Variants in PCDHGB4 observed in about 807,000 individuals in gnomAD.
The protein encoded by PCDHGB4 is protocadherin gamma subfamily B, 4.
PCDHGB4 carries 38 observed loss-of-function variants against 60.5 expected under a neutral mutation model. The observed-to-expected ratio is 0.63, with a 90% confidence interval of 0.48 to 0.82. The LOEUF (loss-of-function observed/expected upper bound fraction) is 0.82. Ranked by LOEUF, PCDHGB4 falls within the 40% of genes least tolerant of loss-of-function variation. The probability of loss-of-function intolerance (pLI) is 0.00; values close to 1 mark genes in which losing one functional copy is unlikely to be tolerated. For synonymous variants in PCDHGB4, 456 were observed against 509.7 expected (o/e 0.89, Z 1.42); for missense variants, 1,109 against 1,209.6 (o/e 0.92, Z 1.23).
At position 141,431,754 on chromosome 5, in the gene PCDHGB4, A is replaced by C; in HGVS notation, c.2397+41473A>C. ...AATGCAGGATATTCTGCGCGAGCCA[A>C]AGTCCTGATCACTGTTCTGGACGTG... On this transcript the variant is annotated intron_variant, in intron 1 of 3. Transcript: ENST00000519479. The surrounding 1 kb of genome is among the most constrained non-coding windows in gnomAD (Gnocchi z 4.8). The C allele has an allele frequency of 6.2e-7, 1 of 1,614,208 alleles. No individual in the cohort carries two copies. Among genetic ancestry groups the C allele is most frequent in the Middle Eastern group, 1.6e-4 (1 of 6,062 alleles).
chr5:141,388,783 C>A lies in PCDHGB4; in HGVS notation c.899C>A (p.Thr300Asn). Residue 300 changes from threonine to asparagine, a missense_variant, in exon 1 of 4, where the codon ACT (threonine) becomes AAT (asparagine). Around this residue, in one of 2 missense-constraint regions of PCDHGB4, gnomAD observed 1,068 missense variants for 1,089.9 expected, o/e 0.98. Coordinates refer to ENST00000519479, the MANE Select transcript of PCDHGB4 (RefSeq NM_003736.4). Reference sequence around the variant, plus strand: ...CTGAACTCTAACACCGGGGAAATTACTGTTTTAAATACATTAGATTTTGAA... The same window carrying A: ...CTGAACTCTAACACCGGGGAAATTAATGTTTTAAATACATTAGATTTTGAA... ...FDLNSNTGEI[T>N]VLNTLDFEEV... The A allele has an allele frequency of 3.1e-6, 5 of 1,613,818 alleles. No homozygotes were observed. The highest frequency in any genetic ancestry group is 1.1e-5 in the South Asian group (1 of 91,070).
At chr5:141,400,665 G>C (rs1463001564) in intron 1 of PCDHGB4, 5 of 984,364 alleles carry the variant, frequency 5.1e-6, no homozygotes, top group Non-Finnish European at 7.6e-6. Flanking sequence ...CATTCTTTAA[G>C]AGGAGCAGTA....
chr5:141,450,470 A>AGTTT (rs199699353), intron 1 of PCDHGB4, among the ~76,000 whole-genome samples: 2,037 of 151,800 alleles, frequency 0.013, 39 homozygotes, highest in African/African-American at 0.044. Flanking sequence ...TTATATATAG[A>AGTTT]GTTTGTTTGT....
intron 1 of PCDHGB4, among the ~76,000 whole-genome samples, chr5:141,461,267 T>C (rs2099012147): frequency 6.6e-6 from 1 of 152,140 alleles, no homozygotes; most frequent in Admixed American, 6.6e-5. Flanking sequence ...AATGTGTAAG[T>C]GTTCTCTTTT....
chr5:141,469,354 A>G (rs1160934469), intron 1 of PCDHGB4, among the ~76,000 whole-genome samples: 1 of 152,128 alleles, frequency 6.6e-6, no homozygotes, highest in Non-Finnish European at 1.5e-5. Flanking sequence ...AGGTGGATGG[A>G]TCATGAGGTA....
At chr5:141,441,775 A>G (rs1005757857) in intron 1 of PCDHGB4, 27 of 388,638 alleles carry the variant, frequency 6.9e-5, no homozygotes, top group Admixed American at 5.4e-4. Context: ...GTGTTGGTGG[A>G]CGACCTGAAT....
In PCDHGB4 at chr5:141,487,938, G is replaced by A; in HGVS notation, c.2398-6869G>A. ...GAGGCTACAGTGCACAGGGTACAGT[G>A]CACCAGGCAGTCACTTGGACAAAGG... is the stretch of plus-strand genomic sequence containing the variant. On this transcript the variant is annotated intron_variant, in intron 1 of 3. Coordinates refer to ENST00000519479, the MANE Select transcript of PCDHGB4 (RefSeq NM_003736.4). This position sits in a 1 kb window ranked among gnomAD's most constrained non-coding sequence, Gnocchi z 5.0. 1.7e-6 allele frequency: 1 copy of A among 600,308 alleles called. No homozygotes were observed. The highest frequency in any genetic ancestry group is 2.9e-6 in the Non-Finnish European group (1 of 342,970). 37.2% of individuals were successfully genotyped at this position (600,308 alleles called of 1,614,324 possible).
In PCDHGB4 at chr5:141,432,700, G is replaced by C. The variant is rs1320099367; in HGVS notation, c.2397+42419G>C. 4 of 1,613,980 alleles carry C rather than the reference G, an allele frequency of 2.5e-6. No individual in the cohort carries two copies. In the Admixed American group the frequency reaches 6.7e-5, roughly 27 times the overall value. ...AGCAGAGCCTCGTAGTGGCCGTCCA[G>C]GACCACGGCCAGCCCCCTCTCTCCG... On this transcript the variant is annotated intron_variant, in intron 1 of 3. Coordinates refer to ENST00000519479, the MANE Select transcript of PCDHGB4 (RefSeq NM_003736.4). The surrounding 1 kb of genome is among the most constrained non-coding windows in gnomAD (Gnocchi z 6.0).
intron 3 of PCDHGB4, 40 bp downstream of exon 3, chr5:141,505,521 T>C: frequency 1.9e-6 from 3 of 1,612,684 alleles, no homozygotes; most frequent in Non-Finnish European, 2.5e-6. Context: ...GTGGGAGACC[T>C]GGGGTTCTGG....
intron 1 of PCDHGB4, chr5:141,393,457 C>T (rs780177231): frequency 1.9e-6 from 3 of 1,614,050 alleles, no homozygotes; most frequent in East Asian, 2.2e-5. Flanking sequence ...CTCACGGCCT[C>T]GGATGGCGGC....
At chr5:141,437,011 T>C (rs2097858173) in intron 1 of PCDHGB4, among the ~76,000 whole-genome samples, 1 of 152,236 alleles carries the variant, frequency 6.6e-6, no homozygotes, top group Non-Finnish European at 1.5e-5. Flanking sequence ...GGATCTTAGA[T>C]AATTTCACCA....
Position 141,398,399 on chromosome 5 carries a change from A to G in PCDHGB4, c.2397+8118A>G, listed in dbSNP as rs763282563. 8 of 1,466,584 alleles carry G rather than the reference A, an allele frequency of 5.5e-6. No individual in the cohort carries two copies. In the Admixed American group the frequency reaches 7.2e-5, roughly 13 times the overall value. 90.8% of individuals were successfully genotyped at this position (1,466,584 alleles called of 1,614,324 possible). ...GAGTTGCTTGTGAGCAGCAGGCTAG[A>G]CAGGGAGGAGATATGCGGGAAGAAG... On this transcript the variant is annotated intron_variant, in intron 1 of 3. Coordinates refer to ENST00000519479, the MANE Select transcript of PCDHGB4 (RefSeq NM_003736.4).
chr5:141,487,041 G>C lies in PCDHGB4; in HGVS notation c.2398-7766G>C, dbSNP rs149314216. On this transcript the variant is annotated intron_variant, in intron 1 of 3. Coordinates refer to ENST00000519479, the MANE Select transcript of PCDHGB4 (RefSeq NM_003736.4). The surrounding 1 kb of genome is among the most constrained non-coding windows in gnomAD (Gnocchi z 5.0). ...GATCCCAGCCTGTTTGCAGTCTCTC[G>C]ATATGCTGGGGAGGTGCGGACGGCT... 2.5e-6 allele frequency: 4 copies of C among 1,614,018 alleles called. No homozygotes were observed. Among genetic ancestry groups the C allele is most frequent in the South Asian group, 2.2e-5 (2 of 91,084 alleles).
chr5:141,508,183 A>G (rs1596134418), intron 3 of PCDHGB4: 1 of 152,336 alleles, frequency 6.6e-6, no homozygotes, highest in African/African-American at 2.4e-5. Context: ...GAGAGAAGGC[A>G]TCACCCCCAC....
Position 141,431,721 on chromosome 5 carries a change from C to T in PCDHGB4, c.2397+41440C>T. The T allele has an allele frequency of 1.2e-6, 2 of 1,614,246 alleles. No homozygotes were observed. Among genetic ancestry groups the T allele is most frequent in the Non-Finnish European group, 1.7e-6 (2 of 1,180,044 alleles). On this transcript the variant is annotated intron_variant, in intron 1 of 3. Transcript: ENST00000519479. The surrounding 1 kb of genome is among the most constrained non-coding windows in gnomAD (Gnocchi z 4.8). ...GGATTCTACCAGATGGAAGTGCAAGCAATGGATAATGCAGGATATTCTGCG... is the reference window on the plus strand; with the variant it reads ...GGATTCTACCAGATGGAAGTGCAAGTAATGGATAATGCAGGATATTCTGCG...
rs377444638 is a variant in PCDHGB4, at chr5:141,388,728, A to G, written c.844A>G (p.Ser282Gly). 6.8e-6 allele frequency: 11 copies of G among 1,613,902 alleles called. No homozygotes were observed. Among genetic ancestry groups the G allele is most frequent in the Admixed American group, 1.7e-5 (1 of 60,012 alleles). The change falls in exon 1 of 4, where the codon AGT (serine) becomes GGT (glycine). Residue 282 changes from serine to glycine, a missense_variant. Ser to Gly is a moderately conservative substitution (Grantham distance 56). Around this residue, in one of 2 missense-constraint regions of PCDHGB4, gnomAD observed 1,068 missense variants for 1,089.9 expected, o/e 0.98. Coordinates refer to ENST00000519479, the MANE Select transcript of PCDHGB4 (RefSeq NM_003736.4). ...CAATGCCGAGATTACTTTCTCTTTC[A>G]GTGAAGCTAGCCAGATCACCCAATT... is the stretch of plus-strand genomic sequence containing the variant. ...GVNAEITFSF[S>G]EASQITQFDL...
chr5:141,458,367 G>A (rs1297876142), intron 1 of PCDHGB4, among the ~76,000 whole-genome samples: 2 of 152,130 alleles, frequency 1.3e-5, no homozygotes, highest in African/African-American at 2.4e-5. Context: ...AGAAGGAAGG[G>A]AGAAGAGAGA....
At chr5:141,403,163 A>G (rs1357883715) in intron 1 of PCDHGB4, 1 of 1,614,052 alleles carries the variant, frequency 6.2e-7, no homozygotes, top group Admixed American at 1.7e-5. Context: ...CTCTAGAGGT[A>G]GGACGCAGCT....
intron 1 of PCDHGB4, chr5:141,414,476 C>G (rs1242647918): frequency 6.2e-7 from 1 of 1,613,920 alleles, no homozygotes; most frequent in Non-Finnish European, 8.5e-7. Context: ...GGGGGAAGTC[C>G]TCCTCTATCA....
Sources: allele counts gnomAD v4.1 joint callset (sites outside exome capture counted in the v4.1 genomes callset), GRCh38; gene constraint gnomAD v4.1.1; regional missense constraint gnomAD v4.1.1; non-coding constraint Gnocchi (gnomAD v3.1); transcripts MANE v1.5; gene names NCBI Gene and HGNC (gene_info 2026-07-23, HGNC 2026-07-21).